Variants in SPECC1 observed in about 807,000 individuals in gnomAD.
SPECC1 encodes the protein sperm antigen with calponin homology and coiled-coil domains 1.
In SPECC1, 62 loss-of-function variants were observed where a neutral mutation model predicts 104.1. That is an observed-to-expected ratio of 0.60 (90% CI 0.49 to 0.74). The LOEUF is 0.74. Ranked by LOEUF, SPECC1 falls within the 30% of genes least tolerant of loss-of-function variation. The pLI is 0.00. For missense variants in SPECC1, 1,306 were observed against 1,310.5 expected, an observed-to-expected ratio of 1.00 and a Z score of 0.05; for synonymous variants, 513 against 501.6, an observed-to-expected ratio of 1.02 and a Z score of -0.30.
intron 1 of SPECC1, among the ~76,000 whole-genome samples, chr17:20,070,284 T>C (rs2046501524): frequency 6.6e-6 from 1 of 152,184 alleles, no homozygotes; most frequent in African/African-American, 2.4e-5. Flanking sequence ...TTGAGGAAGT[T>C]CCCTTTTATG....
intron 3 of SPECC1, among the ~76,000 whole-genome samples, chr17:20,144,600 T>C (rs2031250578): frequency 6.6e-6 from 1 of 152,154 alleles, no homozygotes; most frequent in Non-Finnish European, 1.5e-5. Flanking sequence ...CCTTTATATA[T>C]AAGTGAACTT....
intron 3 of SPECC1, among the ~76,000 whole-genome samples, chr17:20,170,879 T>A (rs1231196789): frequency 6.6e-6 from 1 of 152,124 alleles, no homozygotes; most frequent in Non-Finnish European, 1.5e-5. Flanking sequence ...ACCAACCACC[T>A]CCAAAGCCCT....
intron 7 of SPECC1, among the ~76,000 whole-genome samples, chr17:20,243,162 A>G (rs1041540143): frequency 2.0e-5 from 3 of 152,176 alleles, no homozygotes; most frequent in African/African-American, 4.8e-5. Context: ...ATTTGACTAC[A>G]TGTGTGATTA....
At chr17:20,214,113 A>G (rs1047072264) in intron 4 of SPECC1, among the ~76,000 whole-genome samples, 1 of 152,138 alleles carries the variant, frequency 6.6e-6, no homozygotes, top group Non-Finnish European at 1.5e-5. Flanking sequence ...GGTCTTCTGG[A>G]TGTTTTATAC....
At chr17:20,144,119 C>T (rs575143568) in intron 3 of SPECC1, among the ~76,000 whole-genome samples, 11 of 149,878 alleles carry the variant, frequency 7.3e-5, no homozygotes, top group Non-Finnish European at 1.5e-4. Context: ...GCAGTTGGGA[C>T]GATAAGTAAA....
intron 1 of SPECC1, chr17:20,057,826 A>AT (rs1235631229): frequency 9.9e-5 from 15 of 152,128 alleles, no homozygotes; most frequent in African/African-American, 3.6e-4. Flanking sequence ...TGGTGAGTAG[A>AT]TTCCTAATCC....
chr17:20,152,653 TTTTTTA>T lies in SPECC1; in HGVS notation c.283+42101_283+42106del, dbSNP rs553442576. Among the ~76,000 whole-genome samples, 173 of 152,202 alleles carry T rather than the reference TTTTTTA, an allele frequency of 1.1e-3. 4 individuals are homozygous for T. The highest frequency in any genetic ancestry group is 0.011 in the Admixed American group (164 of 15,276). On this transcript the variant is annotated intron_variant, in intron 3 of 14. Coordinates refer to ENST00000395527, the MANE Select transcript of SPECC1 (RefSeq NM_001243439.2). Reference sequence around the variant, plus strand: ...AGAGAGAAAGATCTCTTCCTCTTCTTTTTTTATTTTTATTTGTTTTATTTTGTTTTG... The same window carrying T: ...AGAGAGAAAGATCTCTTCCTCTTCTTTTTTTATTTGTTTTATTTTGTTTTG...
chr17:20,056,193 T>G (rs1170943658), intron 1 of SPECC1: 1 of 152,212 alleles, frequency 6.6e-6, no homozygotes, highest in Non-Finnish European at 1.5e-5. Context: ...ATGGGCCTAT[T>G]TTAGAGCAGA....
chr17:20,203,336 G>A (rs1383844940), intron 3 of SPECC1, among the ~76,000 whole-genome samples: 1 of 151,714 alleles, frequency 6.6e-6, no homozygotes, highest in Non-Finnish European at 1.5e-5. Context: ...TCTGAGGTGG[G>A]TTTCAATTCT....
At chr17:20,268,670 C>T (rs2040295977) in intron 12 of SPECC1, among the ~76,000 whole-genome samples, 1 of 152,174 alleles carries the variant, frequency 6.6e-6, no homozygotes, top group Admixed American at 6.5e-5. Context: ...GCTTCTGTAC[C>T]GTTTCTGACA....
rs182964834 is a variant in SPECC1 at position 20,136,449 on chromosome 17, C to G, written c.283+25887C>G. Among the ~76,000 whole-genome samples the G allele has an allele frequency of 1.5e-3, 221 of 150,056 alleles. 1 individual carries two copies. The East Asian group carries it at 0.019, about 13-fold the overall frequency. ...ATTAAAAAAAAAAAAAAAAATCTGT[C>G]TTTTCAAACTCTAGTCTTTTATCAG... On this transcript the variant is annotated intron_variant, in intron 3 of 14. Coordinates refer to ENST00000395527, the MANE Select transcript of SPECC1 (RefSeq NM_001243439.2).
intron 13 of SPECC1, 108 bp from the exon 14 acceptor site, chr17:20,305,915 C>A: frequency 1.0e-6 from 1 of 987,474 alleles, no homozygotes; most frequent in Non-Finnish European, 1.5e-6. Flanking sequence ...CTATTCTTCG[C>A]TTTATAATAG....
rs964624932 is a variant in SPECC1, at chr17:20,319,026, A to T, written c.*4961A>T. On this transcript the variant is annotated 3_prime_UTR_variant, in exon 15 of 15. Coordinates refer to ENST00000395527, the MANE Select transcript of SPECC1 (RefSeq NM_001243439.2). ...TAATAAATATATTTTGTTTCTAATT[A>T]TTTTTTTCTCACTGACATTTATCAA... The T allele has an allele frequency of 5.7e-6, 1 of 174,922 alleles. No individual in the cohort carries two copies. The highest frequency in any genetic ancestry group is 2.4e-5 in the African/African-American group (1 of 42,116). 10.8% of individuals were successfully genotyped at this position (174,922 alleles called of 1,614,324 possible).
Position 20,245,823 on chromosome 17 carries a change from G to A in SPECC1, c.2352-103G>A. 12 of 1,335,836 alleles carry A rather than the reference G, an allele frequency of 9.0e-6. No homozygotes were observed. The South Asian group carries it at 1.9e-4, about 21-fold the overall frequency. 82.7% of individuals were successfully genotyped at this position (1,335,836 alleles called of 1,614,324 possible). A position where few individuals can be genotyped will look rare whatever the true frequency, so the allele number is the denominator to read the frequency against. ...TGTTAAATTCAGAATTTCCCTTCCA[G>A]CTTCATTTATTTTCTCCACATCAGT... On this transcript the variant is annotated intron_variant, in intron 7 of 14. Transcript: ENST00000395527.
chr17:20,043,135 C>T (rs1349997973), intron 1 of SPECC1, among the ~76,000 whole-genome samples: 1 of 152,156 alleles, frequency 6.6e-6, no homozygotes, highest in African/African-American at 2.4e-5. Context: ...AGAAGCTGTC[C>T]AGTTCTTCCC....
At chr17:20,035,366 A>G (rs149507950) in intron 1 of SPECC1, among the ~76,000 whole-genome samples, 220 of 152,266 alleles carry the variant, frequency 1.4e-3, no homozygotes, top group Middle Eastern at 6.8e-3. Flanking sequence ...CTGTGTAATA[A>G]TTTGGATAAA....
At chr17:20,242,835 T>C (rs974933528) in intron 7 of SPECC1, among the ~76,000 whole-genome samples, 1 of 152,222 alleles carries the variant, frequency 6.6e-6, no homozygotes, top group Non-Finnish European at 1.5e-5. Flanking sequence ...GATAATGCTT[T>C]TAAGACACAT....
At chr17:20,186,562 T>A (rs1366756107) in intron 3 of SPECC1, among the ~76,000 whole-genome samples, 1 of 152,208 alleles carries the variant, frequency 6.6e-6, no homozygotes, top group Non-Finnish European at 1.5e-5. Context: ...GTGATTTTTG[T>A]ATGTATGTAT....
At position 20,162,465 on chromosome 17, in the gene SPECC1, C is replaced by T. The variant is rs1002517438; in HGVS notation, c.284-41868C>T. On this transcript the variant is annotated intron_variant, in intron 3 of 14. Transcript: ENST00000395527. Reference sequence around the variant, plus strand: ...CCGGCCCAGGCAAATAATTTTTCCTCGAGCTTCAAATTCTTTATCTAGGAA... The same window carrying T: ...CCGGCCCAGGCAAATAATTTTTCCTTGAGCTTCAAATTCTTTATCTAGGAA... 1.7e-4 allele frequency among the ~76,000 whole-genome samples: 26 copies of T among 152,084 alleles called. 1 individual carries two copies. Among genetic ancestry groups the T allele is most frequent in the Admixed American group, 1.3e-3 (20 of 15,260 alleles).
Sources: allele counts gnomAD v4.1 joint callset (sites outside exome capture counted in the v4.1 genomes callset), GRCh38; gene constraint gnomAD v4.1.1; transcripts MANE v1.5; gene names NCBI Gene and HGNC (gene_info 2026-07-23, HGNC 2026-07-21).